Variants in NT5DC3 observed in about 807,000 individuals in gnomAD.
NT5DC3 encodes the protein 5'-nucleotidase domain-containing protein 3.
Under a neutral mutation model 67.8 loss-of-function variants are expected in NT5DC3, and 42 were observed. That is an observed-to-expected ratio of 0.62 (90% CI 0.48 to 0.80). The LOEUF (loss-of-function observed/expected upper bound fraction) is 0.80. Among genes scored for constraint, NT5DC3 ranks in the 30% least tolerant of loss-of-function variants. The pLI is 0.00. For missense variants in NT5DC3, 570 were observed against 696.4 expected, an observed-to-expected ratio of 0.82 and a Z score of 2.04; for synonymous variants, 237 against 255.6, an observed-to-expected ratio of 0.93 and a Z score of 0.69.
At chr12:103,810,576 AT>A (rs1246137653) in intron 2 of NT5DC3, among the ~76,000 whole-genome samples, 1 of 152,240 alleles carries the variant, frequency 6.6e-6, no homozygotes, top group Non-Finnish European at 1.5e-5. Flanking sequence ...TAGGGTTTTT[AT>A]TAAAATTCTA....
intron 4 of NT5DC3, among the ~76,000 whole-genome samples, chr12:103,805,220 G>A (rs1776757458): frequency 6.6e-6 from 1 of 151,952 alleles, no homozygotes; most frequent in African/African-American, 2.4e-5. Context: ...ACCACAGCAG[G>A]GACAATATCC....
At chr12:103,761,674 G>A in the NT5DC3 span, among the ~76,000 whole-genome samples, 7 of 152,230 alleles carry the variant, frequency 4.6e-5, no homozygotes, top group African/African-American at 7.2e-5. Context: ...CAAAGGAAGC[G>A]CTGGAAGGGG....
At chr12:103,797,133 G>T in intron 5 of NT5DC3, 102 bp from the exon 6 acceptor site, 1 of 1,234,394 alleles carries the variant, frequency 8.1e-7, no homozygotes. Flanking sequence ...GTGACTAAAC[G>T]AGATCCCATC....
intron 9 of NT5DC3, among the ~76,000 whole-genome samples, chr12:103,790,834 C>T (rs1293950513): frequency 2.0e-5 from 3 of 151,306 alleles, no homozygotes; most frequent in East Asian, 3.9e-4. Context: ...GGACTACAAG[C>T]GCCCACCACC....
At chr12:103,840,377 G>GCTCAGCTCAGCTCATCTCATCTCAT (rs1555266142) in intron 1 of NT5DC3, among the ~76,000 whole-genome samples, 2 of 115,308 alleles carry the variant, frequency 1.7e-5, no homozygotes, top group Admixed American at 2.0e-4. Flanking sequence ...ACACCGCACA[G>GCTCAGCTCAGCTCATCTCATCTCAT]CTCATCTCAT....
At chr12:103,766,521 A>G, downstream of NT5DC3, 1 of 630,614 alleles carries the variant, frequency 1.6e-6, no homozygotes, top group East Asian at 2.9e-5. Context: ...CCCACCCAGT[A>G]CAGCTTCCTC....
chr12:103,782,349 CAG>C (rs780436657), intron 12 of NT5DC3, among the ~76,000 whole-genome samples: 2 of 151,760 alleles, frequency 1.3e-5, no homozygotes, highest in African/African-American at 2.4e-5. Context: ...GCCTGGGCAA[CAG>C]AGTGAGACTG....
intron 1 of NT5DC3, among the ~76,000 whole-genome samples, chr12:103,838,050 CGG>C (rs1414847705): frequency 6.6e-6 from 1 of 152,096 alleles, no homozygotes; most frequent in African/African-American, 2.4e-5. Context: ...AGAATCATGG[CGG>C]GAGGTGAAAA....
At chr12:103,791,982 G>A (rs912250176) in intron 9 of NT5DC3, among the ~76,000 whole-genome samples, 2 of 152,222 alleles carry the variant, frequency 1.3e-5, no homozygotes, top group South Asian at 4.1e-4. Flanking sequence ...GGGACCCTGT[G>A]CCATAGGATG....
chr12:103,818,771 T>A (rs992208587), intron 1 of NT5DC3, among the ~76,000 whole-genome samples: 1 of 152,202 alleles, frequency 6.6e-6, no homozygotes, highest in Non-Finnish European at 1.5e-5. Flanking sequence ...AAGAACTGGT[T>A]CTAGGGAAGA....
At chr12:103,779,255 G>T (rs1205536014) in intron 13 of NT5DC3, among the ~76,000 whole-genome samples, 1 of 152,102 alleles carries the variant, frequency 6.6e-6, no homozygotes, top group Non-Finnish European at 1.5e-5. Flanking sequence ...ATCCTTACGG[G>T]CATGTATATC....
At chr12:103,755,335 G>C in the NT5DC3 span, 1 of 1,614,136 alleles carries the variant, frequency 6.2e-7, no homozygotes, top group Non-Finnish European at 8.5e-7. Flanking sequence ...AGGCTGGCTG[G>C]AGACCGGGCG....
intron 12 of NT5DC3, among the ~76,000 whole-genome samples, chr12:103,781,516 G>T (rs1161597646): frequency 6.6e-6 from 1 of 152,182 alleles, no homozygotes; most frequent in African/African-American, 2.4e-5. Context: ...GCCCTGCCAT[G>T]AACCTTTCCC....
chr12:103,815,129 TAAAG>T lies in NT5DC3; in HGVS notation c.209-12_209-9del, dbSNP rs1247326921. The T allele has an allele frequency of 5.7e-6, 9 of 1,575,748 alleles. No homozygotes were observed. Among genetic ancestry groups the T allele is most frequent in the Non-Finnish European group, 7.8e-6 (9 of 1,159,762 alleles). ...TAATGGAAGGAACCAATTCTGGAAATAAAGAAAAAAAATACATTATACTACATAA... is the reference window on the plus strand; with the variant it reads ...TAATGGAAGGAACCAATTCTGGAAATAAAAAAAATACATTATACTACATAA... On this transcript the variant is annotated splice_polypyrimidine_tract_variant and intron_variant, in intron 1 of 13. Transcript: ENST00000392876.
chr12:103,785,529 T>C (rs981589605), intron 11 of NT5DC3, 54 bp from the exon 12 acceptor site: 1 of 1,579,688 alleles, frequency 6.3e-7, no homozygotes, highest in African/African-American at 1.3e-5. Flanking sequence ...ATCTAAACTA[T>C]GTCATTATTT....
intron 1 of NT5DC3, among the ~76,000 whole-genome samples, chr12:103,822,418 C>A (rs1201086113): frequency 1.3e-5 from 2 of 152,076 alleles, no homozygotes; most frequent in Non-Finnish European, 2.9e-5. Context: ...TTCAACCACT[C>A]GAATTACCAA....
the NT5DC3 span, chr12:103,755,783 G>A: frequency 2.0e-3 from 2,950 of 1,502,658 alleles, 7 homozygotes; most frequent in Non-Finnish European, 2.5e-3. Context: ...AGGTATTAGA[G>A]GGGTGAGGCC....
At chr12:103,798,477 A>C in intron 5 of NT5DC3, 110 bp downstream of exon 5, 1 of 730,194 alleles carries the variant, frequency 1.4e-6, no homozygotes, top group Non-Finnish European at 2.4e-6. Context: ...CTCTCAACAC[A>C]CAATCTCAAA....
chr12:103,759,380 C>T, the NT5DC3 span: 5 of 1,455,970 alleles, frequency 3.4e-6, no homozygotes, highest in Non-Finnish European at 4.6e-6. Flanking sequence ...AACATAAACT[C>T]TAAACCTGCA....
Sources: gnomAD v4.1 joint callset for allele counts (sites outside exome capture counted in the v4.1 genomes callset) on GRCh38, gnomAD v4.1.1 for gene constraint, MANE v1.5 for transcripts, NCBI Gene and HGNC (gene_info 2026-07-23, HGNC 2026-07-21) for gene names.